The following RSF1 variants were observed in gnomAD, a reference collection of about 807,000 sequenced individuals.
RSF1 encodes the protein HBV pX-associated protein 8.
In RSF1, 13 loss-of-function variants were observed where a neutral mutation model predicts 145.2. The observed-to-expected ratio is 0.09, with a 90% CI of 0.06 to 0.14. The LOEUF (loss-of-function observed/expected upper bound fraction) is 0.14, where lower values mean the gene tolerates loss of function less well. Ranked by LOEUF, RSF1 falls within the 10% of genes least tolerant of loss-of-function variation. The pLI is 1.00. For synonymous variants in RSF1, 577 were observed against 592.6 expected (o/e 0.97, Z 0.38); for missense variants, 1,517 against 1,718.2 (o/e 0.88, Z 2.07).
chr11:77,758,140 GAAAAAA>G (rs59962849), intron 2 of RSF1, among the ~76,000 whole-genome samples: 1 of 104,706 alleles, frequency 9.6e-6, no homozygotes. Flanking sequence ...AGTCTCAGAA[GAAAAAA>G]AAAAAAAAAA....
chr11:77,746,681 C>G (rs1948005577), intron 3 of RSF1, among the ~76,000 whole-genome samples: 1 of 152,106 alleles, frequency 6.6e-6, no homozygotes, highest in South Asian at 2.1e-4. Context: ...TGACATGCTC[C>G]TAGTCATCCA....
chr11:77,827,953 T>C, the RSF1 span, among the ~76,000 whole-genome samples: 2 of 152,166 alleles, frequency 1.3e-5, no homozygotes, highest in Non-Finnish European at 2.9e-5. Context: ...TCCTGTGTTA[T>C]TCTGTACATT....
intron 5 of RSF1, among the ~76,000 whole-genome samples, chr11:77,706,661 AT>A (rs911010668): frequency 4.4e-4 from 65 of 147,174 alleles, no homozygotes; most frequent in Non-Finnish European, 4.4e-4. Flanking sequence ...CACTTTCCTA[AT>A]TTTTTTTTTT....
intron 1 of RSF1, among the ~76,000 whole-genome samples, chr11:77,801,012 C>CAAA: frequency 6.8e-6 from 1 of 146,846 alleles, no homozygotes; most frequent in South Asian, 2.1e-4. Flanking sequence ...CTCTCTCTCT[C>CAAA]AAAAAAAAAA....
chr11:77,733,634 T>C (rs2135899069), intron 4 of RSF1, among the ~76,000 whole-genome samples: 1 of 151,360 alleles, frequency 6.6e-6, no homozygotes, highest in South Asian at 2.1e-4. Flanking sequence ...CAATCACAGT[T>C]CACTGCAGCC....
chr11:77,828,708 G>A, the RSF1 span, among the ~76,000 whole-genome samples: 1 of 150,806 alleles, frequency 6.6e-6, no homozygotes, highest in Non-Finnish European at 1.5e-5. Flanking sequence ...ATAAAACATT[G>A]TTCAAGGAAA....
rs549461463 is a variant in RSF1, at chr11:77,682,139, AT to A, written c.3065+1570del. On this transcript the variant is annotated intron_variant, in intron 11 of 15. Transcript: ENST00000308488. ...TCATACATACAGAAGAAAACTTTTT[AT>A]TTTTTGAAGTATTTTTTTAAAGACT... Among the ~76,000 whole-genome samples, 8 of 152,216 alleles carry A rather than the reference AT, an allele frequency of 5.3e-5. No homozygotes were observed. In the South Asian group the frequency reaches 1.7e-3, roughly 32 times the overall value.
chr11:77,698,795 C>T (rs903072871), intron 6 of RSF1, 102 bp from the exon 7 acceptor site: 10 of 938,748 alleles, frequency 1.1e-5, no homozygotes, highest in African/African-American at 3.4e-5. Context: ...GCCAATATAC[C>T]AAAAAAAGAG....
chr11:77,701,002 T>C lies in RSF1; in HGVS notation c.2227A>G (p.Lys743Glu). The C allele has an allele frequency of 6.2e-7, 1 of 1,613,708 alleles. No individual in the cohort carries two copies. The highest frequency in any genetic ancestry group is 8.5e-7 in the Non-Finnish European group (1 of 1,180,020). The change falls in exon 6 of 16, where the codon AAA (lysine) becomes GAA (glutamate). Residue 743 changes from lysine (K) to glutamate (E), a missense_variant. Lys to Glu is a moderately conservative substitution (Grantham distance 56). Transcript: ENST00000308488. ...IKLTIRISSR[K>E]KKPDSPPKVL... ...TTGGGGGGAGAATCGGGCTTCTTTT[T>C]CCGACTTGATATCCTGATTGTTAAT...
chr11:77,781,119 G>A (rs1001014218), intron 1 of RSF1, among the ~76,000 whole-genome samples: 8 of 150,834 alleles, frequency 5.3e-5, no homozygotes, highest in Non-Finnish European at 2.9e-5. Context: ...TTTTTTGAGA[G>A]AGAGAGAATC....
chr11:77,718,332 T>A (rs1960865591), intron 5 of RSF1: 1 of 152,072 alleles, frequency 6.6e-6, no homozygotes, highest in Admixed American at 6.6e-5. Context: ...AAAAACAGTT[T>A]TGATACACGT....
the RSF1 span, among the ~76,000 whole-genome samples, chr11:77,842,099 A>C: frequency 6.6e-6 from 1 of 152,174 alleles, no homozygotes; most frequent in Non-Finnish European, 1.5e-5. Context: ...ATATGCCTTT[A>C]ATTTTATTTC....
chr11:77,817,540 A>G (rs1020726760), intron 1 of RSF1, among the ~76,000 whole-genome samples: 5 of 152,176 alleles, frequency 3.3e-5, no homozygotes, highest in African/African-American at 1.2e-4. Context: ...AAACTATCAG[A>G]TGGAGTTGGC....
At chr11:77,865,659 A>G in the RSF1 span, among the ~76,000 whole-genome samples, 2 of 152,224 alleles carry the variant, frequency 1.3e-5, no homozygotes, top group African/African-American at 4.8e-5. Context: ...ACAACTAGTC[A>G]TCTGCCATTA....
At chr11:77,835,698 C>T in the RSF1 span, among the ~76,000 whole-genome samples, 2 of 152,046 alleles carry the variant, frequency 1.3e-5, no homozygotes, top group African/African-American at 4.8e-5. Context: ...GTGGGCGGAT[C>T]GCTTGAGATC....
intron 5 of RSF1, among the ~76,000 whole-genome samples, chr11:77,721,389 C>T (rs1960937363): frequency 6.6e-6 from 1 of 152,164 alleles, no homozygotes; most frequent in African/African-American, 2.4e-5. Context: ...GAATAGACTA[C>T]AAGAACTACA....
intron 6 of RSF1, 126 bp downstream of exon 6, chr11:77,700,595 G>GT: frequency 1.6e-6 from 1 of 642,300 alleles, no homozygotes; most frequent in Non-Finnish European, 2.5e-6. Flanking sequence ...GTCTGAAAAG[G>GT]TATCTCAGAC....
intron 5 of RSF1, among the ~76,000 whole-genome samples, chr11:77,714,856 G>T (rs1317547939): frequency 6.6e-6 from 1 of 151,838 alleles, no homozygotes; most frequent in East Asian, 1.9e-4. Context: ...AAAAAAAAAG[G>T]CTTACTCCTG....
At position 77,764,702 on chromosome 11, in the gene RSF1, A is replaced by G. The variant is rs765456292; in HGVS notation, c.188-13T>C. ...AATTCTTTTGGTACTTAAAAGAAAG[A>G]AAAAAAATATCATTAGCCAACAAAA... On this transcript the variant is annotated splice_polypyrimidine_tract_variant and intron_variant, in intron 1 of 15. Coordinates refer to ENST00000308488, the MANE Select transcript of RSF1 (RefSeq NM_016578.4). 3.4e-6 allele frequency: 5 copies of G among 1,450,430 alleles called. No homozygotes were observed. Among genetic ancestry groups the G allele is most frequent in the South Asian group, 1.2e-5 (1 of 82,262 alleles). The allele number at this position is 1,450,430 out of a possible 1,614,324, so 89.8% of individuals were successfully genotyped here.
Sources: allele counts gnomAD v4.1 joint callset (sites outside exome capture counted in the v4.1 genomes callset), GRCh38; gene constraint gnomAD v4.1.1; transcripts MANE v1.5; gene names NCBI Gene and HGNC (gene_info 2026-07-23, HGNC 2026-07-21).